Variants in UGT1A6 observed in about 807,000 individuals in gnomAD.
The protein encoded by UGT1A6 is UDP-glucuronosyltransferase 1A6.
In UGT1A6, 32 loss-of-function variants were observed where a neutral mutation model predicts 44.4. The observed-to-expected ratio is 0.72, with a 90% CI of 0.54 to 0.97. The LOEUF is 0.97. Ranked by LOEUF, UGT1A6 falls within the 50% of genes least tolerant of loss-of-function variation. The pLI, the probability that UGT1A6 is intolerant of heterozygous loss-of-function variation, is 0.00. For missense variants in UGT1A6, 685 were observed against 661.9 expected, an observed-to-expected ratio of 1.03 and a Z score of -0.38; for synonymous variants, 238 against 248.5, an observed-to-expected ratio of 0.96 and a Z score of 0.40.
At chr2:233,705,805 A>G (rs752228556) in intron 1 of UGT1A6, among the ~76,000 whole-genome samples, 1 of 152,190 alleles carries the variant, frequency 6.6e-6, no homozygotes, top group Admixed American at 6.5e-5. Flanking sequence ...TTCAAAAATT[A>G]TTAAGAATTT....
At chr2:233,732,002 T>C (rs950186664) in intron 1 of UGT1A6, among the ~76,000 whole-genome samples, 3 of 152,234 alleles carry the variant, frequency 2.0e-5, no homozygotes, top group South Asian at 2.1e-4. Context: ...TGGTATCTCA[T>C]TGTGGTTTTG....
intron 2 of UGT1A6, among the ~76,000 whole-genome samples, chr2:233,767,541 T>C (rs1036019963): frequency 7.9e-4 from 120 of 152,396 alleles, no homozygotes; most frequent in African/African-American, 2.8e-3. Context: ...ATTTCTGCTC[T>C]TATAGTTCTG....
At chr2:233,697,299 A>G (rs570191835) in intron 1 of UGT1A6, among the ~76,000 whole-genome samples, 2 of 152,014 alleles carry the variant, frequency 1.3e-5, no homozygotes, top group African/African-American at 4.8e-5. Flanking sequence ...TCTTCATTCA[A>G]TCTTGGTAGA....
Position 233,693,870 on chromosome 2 carries a change from G to A in UGT1A6, c.861+5G>A. 1 of 1,614,164 alleles carries A rather than the reference G, an allele frequency of 6.2e-7. No homozygotes were observed. The highest frequency in any genetic ancestry group is 8.5e-7 in the Non-Finnish European group (1 of 1,180,028). On this transcript the variant is annotated splice_donor_5th_base_variant and intron_variant, in intron 1 of 4. Transcript: ENST00000305139. Reference sequence around the variant, plus strand: ...AAGAGGAAAGACTTGTCTCAGGTTGGTGGGTTTATTTCTTTTGGACTGCCT... The same window carrying A: ...AAGAGGAAAGACTTGTCTCAGGTTGATGGGTTTATTTCTTTTGGACTGCCT...
intron 1 of UGT1A6, among the ~76,000 whole-genome samples, chr2:233,749,087 T>C (rs1694105720): frequency 1.3e-5 from 2 of 151,858 alleles, no homozygotes; most frequent in African/African-American, 2.4e-5. Context: ...GTGTGCCATG[T>C]ATTTCATGAG....
chr2:233,724,334 G>C (rs2077226090), intron 1 of UGT1A6, among the ~76,000 whole-genome samples: 2 of 148,198 alleles, frequency 1.3e-5, no homozygotes, highest in African/African-American at 5.0e-5. Context: ...GCCAGGCGGG[G>C]GGCTGACCCC....
At chr2:233,735,868 CAG>C (rs201129034) in intron 1 of UGT1A6, among the ~76,000 whole-genome samples, 5,840 of 152,248 alleles carry the variant, frequency 0.038, 150 homozygotes, top group Non-Finnish European at 0.054. Flanking sequence ...AGGGTTTCTG[CAG>C]AGAGATCTGC....
chr2:233,729,081 G>A lies in UGT1A6; in HGVS notation c.861+35216G>A, dbSNP rs376039648. 312 of 1,612,238 alleles carry A rather than the reference G, an allele frequency of 1.9e-4. No individual in the cohort carries two copies. The African/African-American group carries it at 3.8e-3, about 20-fold the overall frequency. On this transcript the variant is annotated intron_variant, in intron 1 of 4. Coordinates refer to ENST00000305139, the MANE Select transcript of UGT1A6 (RefSeq NM_001072.4). ...TAAGATGAAGAAAGCAAATGTAGCAGGCACAGCGTGGGGTGGACAGTCAGC... is the reference window on the plus strand; with the variant it reads ...TAAGATGAAGAAAGCAAATGTAGCAAGCACAGCGTGGGGTGGACAGTCAGC...
At chr2:233,766,958 T>C in intron 1 of UGT1A6, 76 bp from the exon 2 acceptor site, 1 of 1,605,414 alleles carries the variant, frequency 6.2e-7, no homozygotes, top group Non-Finnish European at 8.5e-7. Context: ...GGAAGATATC[T>C]AATTCATAAC....
At chr2:233,704,433 A>T (rs1354285522) in intron 1 of UGT1A6, among the ~76,000 whole-genome samples, 1 of 152,142 alleles carries the variant, frequency 6.6e-6, no homozygotes, top group African/African-American at 2.4e-5. Context: ...TTCCAGTTAA[A>T]TATTGAAATG....
At chr2:233,696,744 T>C (rs1490233452) in intron 1 of UGT1A6, among the ~76,000 whole-genome samples, 1 of 152,200 alleles carries the variant, frequency 6.6e-6, no homozygotes, top group African/African-American at 2.4e-5. Context: ...CTTTTCAGTA[T>C]GATGTTAGCT....
At chr2:233,737,120 A>C (rs948512181) in intron 1 of UGT1A6, among the ~76,000 whole-genome samples, 9 of 152,336 alleles carry the variant, frequency 5.9e-5, no homozygotes, top group African/African-American at 2.2e-4. Flanking sequence ...CATGTTCAGA[A>C]GTTGTCTGCT....
chr2:233,747,223 G>C, intron 1 of UGT1A6: 1 of 1,605,538 alleles, frequency 6.2e-7, no homozygotes, highest in Non-Finnish European at 8.5e-7. Context: ...GATGGCCACA[G>C]GACCCCAGGT....
At chr2:233,757,771 A>G (rs925177118) in intron 1 of UGT1A6, among the ~76,000 whole-genome samples, 1 of 151,622 alleles carries the variant, frequency 6.6e-6, no homozygotes, top group Non-Finnish European at 1.5e-5. Context: ...CTTTAGTAAT[A>G]AGCCTGTCAT....
chr2:233,692,652 A>G (rs952834629), upstream of UGT1A6, among the ~76,000 whole-genome samples: 16 of 152,334 alleles, frequency 1.1e-4, 1 homozygote, highest in Middle Eastern at 6.8e-3. Flanking sequence ...TGAGGAATCC[A>G]GCAAGTTCGG....
chr2:233,750,351 C>G (rs148166585), intron 1 of UGT1A6, among the ~76,000 whole-genome samples: 13 of 151,972 alleles, frequency 8.6e-5, no homozygotes, highest in African/African-American at 2.4e-4. Context: ...GAAATTGGAA[C>G]TTATGTTTAA....
At chr2:233,726,475 A>G (rs1008542072) in intron 1 of UGT1A6, among the ~76,000 whole-genome samples, 16 of 152,160 alleles carry the variant, frequency 1.1e-4, no homozygotes, top group African/African-American at 3.1e-4. Context: ...TTTAACAGAA[A>G]TTTCCTTTTT....
chr2:233,729,830 C>T, intron 1 of UGT1A6: 2 of 1,613,904 alleles, frequency 1.2e-6, no homozygotes, highest in Non-Finnish European at 1.7e-6. Flanking sequence ...GCAAGCCTTG[C>T]CTCTGAGCTT....
chr2:233,745,543 AC>A (rs1237157104), intron 1 of UGT1A6, among the ~76,000 whole-genome samples: 1 of 151,766 alleles, frequency 6.6e-6, no homozygotes, highest in Non-Finnish European at 1.5e-5. Flanking sequence ...TGTCACCAGA[AC>A]AAACTTCTAA....
Sources: allele counts gnomAD v4.1 joint callset (sites outside exome capture counted in the v4.1 genomes callset), GRCh38; gene constraint gnomAD v4.1.1; transcripts MANE v1.5; gene names NCBI Gene and HGNC (gene_info 2026-07-23, HGNC 2026-07-21).